Variants in KREMEN2 observed in about 807,000 individuals in gnomAD.
The protein encoded by KREMEN2 is kremen protein 2.
Under a neutral mutation model 49.8 loss-of-function variants are expected in KREMEN2, and 43 were observed. The ratio of observed to expected loss-of-function variants is 0.86; its 90% confidence interval spans 0.68 to 1.11. The LOEUF is 1.11. KREMEN2 is among the 50% of genes most tolerant of loss of function. The pLI is 0.00. For missense variants in KREMEN2, 686 were observed against 665.7 expected (o/e 1.03, Z -0.34); for synonymous variants, 355 against 304.9 (o/e 1.16, Z -1.71).
intron 1 of KREMEN2, 115 bp downstream of exon 1, chr16:2,964,729 A>AGG: frequency 7.2e-7 from 1 of 1,384,884 alleles, no homozygotes; most frequent in Non-Finnish European, 9.9e-7. Context: ...GGAGCAGCTG[A>AGG]GCAGCCCGAG....
rs1286401304 is a variant in KREMEN2, at chr16:2,967,886, T to C, written c.1255T>C (p.Trp419Arg). ...SRGPRRSWAV[W>R]YQQPRGVALP... ...GGGCCCCAGGAGAAGCTGGGCTGTG[T>C]GGTACCAACAGCCCCGAGGGGTGGC... is the stretch of plus-strand genomic sequence containing the variant. Residue 419 changes from tryptophan (W) to arginine (R), a missense_variant, in exon 9 of 9, where the codon TGG becomes CGG. Physicochemically the swap from Trp to Arg is moderately radical, Grantham distance 101. Transcript: ENST00000303746. 1.9e-6 allele frequency: 3 copies of C among 1,557,668 alleles called. No individual in the cohort carries two copies. In the African/African-American group the frequency reaches 4.1e-5, roughly 21 times the overall value.
chr16:2,967,544 T>C lies in KREMEN2; in HGVS notation c.1118T>C (p.Val373Ala). 6.5e-7 allele frequency: 1 copy of C among 1,532,242 alleles called. No homozygotes were observed. The highest frequency in any genetic ancestry group is 1.2e-5 in the South Asian group (1 of 83,782). The allele number at this position is 1,532,242 out of a possible 1,614,324, so 94.9% of individuals were successfully genotyped here. ...CCCGCAGCCCGGGTCTTCTCGACGG[T>C]GACGGCTGTCTCGGTGCTGCTGCTG... ...AAIGARVFST[V>A]TAVSVLLLLL... The change falls in exon 8 of 9, where the codon GTG becomes GCG. Residue 373 changes from valine to alanine, a missense_variant. Transcript: ENST00000303746.
Position 2,964,485 on chromosome 16 carries a change from G to C in KREMEN2, c.-36G>C. ...CGACCCCGGGGGCAGCCCGGGCCGT[G>C]TCCGGGCGAGGGTGACCTATCCTTG... On this transcript the variant is annotated 5_prime_UTR_variant, in exon 1 of 9. Transcript: ENST00000303746. The C allele has an allele frequency of 6.7e-7, 1 of 1,490,084 alleles. No homozygotes were observed. Among genetic ancestry groups the C allele is most frequent in the Non-Finnish European group, 9.0e-7 (1 of 1,109,106 alleles). 92.3% of individuals were successfully genotyped at this position (1,490,084 alleles called of 1,614,324 possible). A position where few individuals can be genotyped will look rare whatever the true frequency, so the allele number is the denominator to read the frequency against.
Position 2,966,499 on chromosome 16 carries a change from C to G in KREMEN2, c.486+50C>G. On this transcript the variant is annotated intron_variant, in intron 4 of 8. Transcript: ENST00000303746. This position sits in a 1 kb window ranked among gnomAD's most constrained non-coding sequence, Gnocchi z 8.4. Reference sequence around the variant, plus strand: ...TGACCCCTGACCTGGACCTAAAGACCACACTCAACTCCCAACACTCGGTTG... The same window carrying G: ...TGACCCCTGACCTGGACCTAAAGACGACACTCAACTCCCAACACTCGGTTG... 6.2e-7 allele frequency: 1 copy of G among 1,602,154 alleles called. No homozygotes were observed. Among genetic ancestry groups the G allele is most frequent in the East Asian group, 2.2e-5 (1 of 44,732 alleles).
chr16:2,966,538 C>A lies in KREMEN2; in HGVS notation c.486+89C>A. On this transcript the variant is annotated intron_variant, in intron 4 of 8. Transcript: ENST00000303746. The surrounding 1 kb of genome is among the most constrained non-coding windows in gnomAD (Gnocchi z 8.4). ...AACACTCGGTTGCCAAACCCAGACACCGGTTTCTGAACCTCCAGCCCGATT... is the reference window on the plus strand; with the variant it reads ...AACACTCGGTTGCCAAACCCAGACAACGGTTTCTGAACCTCCAGCCCGATT... 1 of 1,583,230 alleles carries A rather than the reference C, an allele frequency of 6.3e-7. No homozygotes were observed. Among genetic ancestry groups the A allele is most frequent in the Non-Finnish European group, 8.6e-7 (1 of 1,169,050 alleles).
At position 2,966,668 on chromosome 16, in the gene KREMEN2, C is replaced by T. The variant is rs2071826528; in HGVS notation, c.513C>T (p.Ala171=). ...YQLAGVEAGY[A]CFCGSESDLA... ...TGGCGGGCGTGGAGGCCGGTTACGC[C>T]TGCTTCTGTGGCTCTGAAAGCGACC... Residue 171 remains alanine, a synonymous_variant, in exon 5 of 9, where the codon GCC becomes GCT. Transcript: ENST00000303746. This position sits in a 1 kb window ranked among gnomAD's most constrained non-coding sequence, Gnocchi z 8.4. The T allele has an allele frequency of 3.1e-6, 5 of 1,610,988 alleles. No individual in the cohort carries two copies. Among genetic ancestry groups the T allele is most frequent in the Non-Finnish European group, 3.4e-6 (4 of 1,179,934 alleles).
At position 2,967,195 on chromosome 16, in the gene KREMEN2, G is replaced by A; in HGVS notation, c.926G>A (p.Arg309Gln). 1.5e-6 allele frequency: 2 copies of A among 1,359,948 alleles called. No individual in the cohort carries two copies. The highest frequency in any genetic ancestry group is 9.4e-7 in the Non-Finnish European group (1 of 1,065,632). 84.2% of individuals were successfully genotyped at this position (1,359,948 alleles called of 1,614,324 possible). A position where few individuals can be genotyped will look rare whatever the true frequency, so the allele number is the denominator to read the frequency against. ...LGTAALLLTF[R>Q]SDARGHAQGF... ...ACTGCCGCGCTGCTGCTCACCTTCC[G>A]AAGCGACGCGCGCGGCCACGCGCAA... Residue 309 changes from arginine (R) to glutamine (Q), a missense_variant, in exon 6 of 9, where the codon CGA becomes CAA. Arg to Gln is a conservative substitution (Grantham distance 43). Coordinates refer to ENST00000303746, the MANE Select transcript of KREMEN2 (RefSeq NM_172229.3).
At position 2,967,947 on chromosome 16, in the gene KREMEN2, G is replaced by A; in HGVS notation, c.1316G>A (p.Gly439Asp). 10 of 1,585,628 alleles carry A rather than the reference G, an allele frequency of 6.3e-6. No homozygotes were observed. Among genetic ancestry groups the A allele is most frequent in the Non-Finnish European group, 8.6e-6 (10 of 1,168,682 alleles). ...PCSPGDPQAEGSAAGYRPLSA... is the reference protein window; with the variant it reads ...PCSPGDPQAEDSAAGYRPLSA... ...TCCCCCGGGGACCCCCAGGCTGAGG[G>A]TTCTGCCGCGGGCTACCGGCCTCTG... Residue 439 changes from glycine to aspartate, a missense_variant, in exon 9 of 9, where the codon GGT becomes GAT. By Grantham distance (94) the Gly-to-Asp change is moderately conservative. Coordinates refer to ENST00000303746, the MANE Select transcript of KREMEN2 (RefSeq NM_172229.3).
rs2071880592 is a variant in KREMEN2 at position 2,968,211 on chromosome 16, ATGGT to A, written c.*192_*195del. 1.1e-6 allele frequency: 1 copy of A among 891,540 alleles called. No individual in the cohort carries two copies. Among genetic ancestry groups the A allele is most frequent in the Non-Finnish European group, 1.7e-6 (1 of 576,164 alleles). 55.2% of individuals were successfully genotyped at this position (891,540 alleles called of 1,614,324 possible). Reference sequence around the variant, plus strand: ...ACTTGGCCTGACCGTGGGGGTCCAGATGGTCCAGGCCCTCTCCATGGACCTGTAT... The same window carrying A: ...ACTTGGCCTGACCGTGGGGGTCCAGACCAGGCCCTCTCCATGGACCTGTAT... On this transcript the variant is annotated 3_prime_UTR_variant, in exon 9 of 9. Coordinates refer to ENST00000303746, the MANE Select transcript of KREMEN2 (RefSeq NM_172229.3).
chr16:2,966,748 AC>A lies in KREMEN2; in HGVS notation c.596del (p.Pro199LeufsTer154). 1.9e-6 allele frequency: 3 copies of A among 1,611,942 alleles called. No individual in the cohort carries two copies. Among genetic ancestry groups the A allele is most frequent in the Non-Finnish European group, 2.5e-6 (3 of 1,179,834 alleles). On this transcript the variant is annotated frameshift_variant, in exon 5 of 9. Transcript: ENST00000303746. LOFTEE classifies it high-confidence loss of function. The surrounding 1 kb of genome is among the most constrained non-coding windows in gnomAD (Gnocchi z 8.4). ...ATDCDQICFG[H>X]PGQLCGGDGR... ...GACTGTGACCAGATCTGTTTCGGCCACCCTGGACAGCTGTGTGGCGGCGATG... is the reference window on the plus strand; with the variant it reads ...GACTGTGACCAGATCTGTTTCGGCCACCTGGACAGCTGTGTGGCGGCGATG...
chr16:2,966,016 A>G lies in KREMEN2; in HGVS notation c.270-124A>G, dbSNP rs2071809296. 1.3e-6 allele frequency: 1 copy of G among 779,566 alleles called. No individual in the cohort carries two copies. Among genetic ancestry groups the G allele is most frequent in the Admixed American group, 2.3e-5 (1 of 43,860 alleles). 48.3% of individuals were successfully genotyped at this position (779,566 alleles called of 1,614,324 possible). On this transcript the variant is annotated intron_variant, in intron 2 of 8. Coordinates refer to ENST00000303746, the MANE Select transcript of KREMEN2 (RefSeq NM_172229.3). This position sits in a 1 kb window ranked among gnomAD's most constrained non-coding sequence, Gnocchi z 8.4. Reference sequence around the variant, plus strand: ...AAACTGGAATTTGTGGGTGTACAGCAGGCAGCACAGCCGCTCACAGGCACA... The same window carrying G: ...AAACTGGAATTTGTGGGTGTACAGCGGGCAGCACAGCCGCTCACAGGCACA...
In KREMEN2 at chr16:2,966,240, C is replaced by T. The variant is rs200879510; in HGVS notation, c.361+9C>T. The T allele has an allele frequency of 1.2e-5, 19 of 1,613,256 alleles. No individual in the cohort carries two copies. In the Admixed American group the frequency reaches 2.0e-4, roughly 17 times the overall value. ...CATCCCCTCCTGTCACAGTGAGTAG[C>T]GCGGCTGGACAGAGGTGGGAACGCT... is the stretch of plus-strand genomic sequence containing the variant. On this transcript the variant is annotated intron_variant, in intron 3 of 8. Coordinates refer to ENST00000303746, the MANE Select transcript of KREMEN2 (RefSeq NM_172229.3). The surrounding 1 kb of genome is among the most constrained non-coding windows in gnomAD (Gnocchi z 8.4).
chr16:2,964,733 G>A, intron 1 of KREMEN2, 119 bp downstream of exon 1: 1 of 1,396,012 alleles, frequency 7.2e-7, no homozygotes, highest in South Asian at 1.3e-5. Flanking sequence ...CAGCTGAGCA[G>A]CCCGAGGGCT....
Position 2,968,127 on chromosome 16 carries a change from T to C in KREMEN2, c.*107T>C. ...GCGCCTGTGTAGGGGCAGCTCGGCC[T>C]CTGGTCGCCTTGGGGAGACCAAAAG... On this transcript the variant is annotated 3_prime_UTR_variant, in exon 9 of 9. Transcript: ENST00000303746. The C allele has an allele frequency of 2.4e-6, 3 of 1,225,488 alleles. No homozygotes were observed. The highest frequency in any genetic ancestry group is 3.5e-6 in the Non-Finnish European group (3 of 867,202). 75.9% of individuals were successfully genotyped at this position (1,225,488 alleles called of 1,614,324 possible).
chr16:2,967,096 A>T lies in KREMEN2; in HGVS notation c.827A>T (p.Asp276Val). Residue 276 changes from aspartate to valine, a missense_variant, in exon 6 of 9, where the codon GAC (aspartate) becomes GTC (valine). Asp to Val is a radical substitution (Grantham distance 152, BLOSUM62 -3). Transcript: ENST00000303746. ...CCGCGCGACCGGCTGGAGCTGCGCGACGCGGCTTCGGGCAGCCTGCTCCGC... is the reference window on the plus strand; with the variant it reads ...CCGCGCGACCGGCTGGAGCTGCGCGTCGCGGCTTCGGGCAGCCTGCTCCGC... ...ADPRDRLELRDAASGSLLRAF... is the reference protein window; with the variant it reads ...ADPRDRLELRVAASGSLLRAF... 2 of 1,491,880 alleles carry T rather than the reference A, an allele frequency of 1.3e-6. No individual in the cohort carries two copies. The highest frequency in any genetic ancestry group is 1.8e-6 in the Non-Finnish European group (2 of 1,127,936). The allele number at this position is 1,491,880 out of a possible 1,614,324, so 92.4% of individuals were successfully genotyped here. A position where few individuals can be genotyped will look rare whatever the true frequency, so the allele number is the denominator to read the frequency against.
At position 2,966,316 on chromosome 16, in the gene KREMEN2, C is replaced by G. The variant is rs1440566440; in HGVS notation, c.362-9C>G. On this transcript the variant is annotated splice_polypyrimidine_tract_variant and intron_variant, in intron 3 of 8. Coordinates refer to ENST00000303746, the MANE Select transcript of KREMEN2 (RefSeq NM_172229.3). This position sits in a 1 kb window ranked among gnomAD's most constrained non-coding sequence, Gnocchi z 8.4. ...TCGGAGTCACGGAAGTCTGACTCTG[C>G]CCCCTCAGTGCCAGGCTACCTGGGA... 6.2e-7 allele frequency: 1 copy of G among 1,612,464 alleles called. No individual in the cohort carries two copies. Among genetic ancestry groups the G allele is most frequent in the Admixed American group, 1.7e-5 (1 of 60,004 alleles).
rs1333263151 is a variant in KREMEN2, at chr16:2,966,320, C to A, written c.362-5C>A. ...AGTCACGGAAGTCTGACTCTGCCCC[C>A]TCAGTGCCAGGCTACCTGGGATGCT... On this transcript the variant is annotated splice_polypyrimidine_tract_variant and splice_region_variant and intron_variant, in intron 3 of 8. Transcript: ENST00000303746. This position sits in a 1 kb window ranked among gnomAD's most constrained non-coding sequence, Gnocchi z 8.4. 8.1e-6 allele frequency: 13 copies of A among 1,612,492 alleles called. No homozygotes were observed. The highest frequency in any genetic ancestry group is 1.0e-5 in the Non-Finnish European group (12 of 1,180,002).
At position 2,966,785 on chromosome 16, in the gene KREMEN2, C is replaced by T; in HGVS notation, c.630C>T (p.Gly210=). Residue 210 remains glycine, a synonymous_variant, in exon 5 of 9, where the codon GGC becomes GGT. Transcript: ENST00000303746. The surrounding 1 kb of genome is among the most constrained non-coding windows in gnomAD (Gnocchi z 8.4). ...GQLCGGDGRL[G]VYEVSVGSCQ... ...TGTGTGGCGGCGATGGGCGGCTGGGCGTCTATGAAGGTGAGGAGTGGGCGG... is the reference window on the plus strand; with the variant it reads ...TGTGTGGCGGCGATGGGCGGCTGGGTGTCTATGAAGGTGAGGAGTGGGCGG... The T allele has an allele frequency of 4.4e-6, 7 of 1,606,166 alleles. No homozygotes were observed. The highest frequency in any genetic ancestry group is 1.1e-5 in the South Asian group (1 of 90,792).
chr16:2,965,897 TA>T (rs2071807910), intron 2 of KREMEN2, among the ~76,000 whole-genome samples: 1 of 152,058 alleles, frequency 6.6e-6, no homozygotes, highest in Non-Finnish European at 1.5e-5. Flanking sequence ...AGCTGAAGCC[TA>T]AAAACAGCTC....
Sources: gnomAD v4.1 joint callset for allele counts (sites outside exome capture counted in the v4.1 genomes callset) on GRCh38, gnomAD v4.1.1 for gene constraint, Gnocchi (gnomAD v3.1) non-coding constraint, MANE v1.5 for transcripts, NCBI Gene and HGNC (gene_info 2026-07-23, HGNC 2026-07-21) for gene names.